Variants in ZFAND3 observed in about 807,000 individuals in gnomAD.
The protein encoded by ZFAND3 is AN1-type zinc finger protein 3.
ZFAND3 carries 10 observed loss-of-function variants against 29.6 expected under a neutral mutation model. The observed-to-expected ratio is 0.34, with a 90% CI of 0.21 to 0.57. The LOEUF is 0.57. ZFAND3 is among the 20% of genes least tolerant of loss of function. The pLI is 0.86. For synonymous variants in ZFAND3, 128 were observed against 112.6 expected (o/e 1.14, Z -0.87); for missense variants, 230 against 304.5 (o/e 0.76, Z 1.82).
chr6:37,852,717 CT>C lies in ZFAND3; in HGVS notation c.71+32716del, dbSNP rs957782122. ...CTTATGTGTATTTCCTTTTTCTTTT[CT>C]TTTTTTTTTTTTTTAAAGACAGAGT... On this transcript the variant is annotated intron_variant, in intron 1 of 5. Coordinates refer to ENST00000287218, the MANE Select transcript of ZFAND3 (RefSeq NM_021943.3). Among the ~76,000 whole-genome samples, 423 of 138,092 alleles carry C rather than the reference CT, an allele frequency of 3.1e-3. 1 individual carries two copies. Among genetic ancestry groups the C allele is most frequent in the Non-Finnish European group, 2.8e-3 (179 of 62,926 alleles). The allele number at this position is 138,092 out of a possible 152,430, so 90.6% of individuals were successfully genotyped here.
At chr6:38,100,689 A>G (rs1765074903) in intron 4 of ZFAND3, among the ~76,000 whole-genome samples, 1 of 152,218 alleles carries the variant, frequency 6.6e-6, no homozygotes, top group Non-Finnish European at 1.5e-5. Context: ...CACTCCAGCC[A>G]CTTATCTCTA....
Position 37,889,210 on chromosome 6 carries a change from A to G in ZFAND3, c.72-40749A>G, listed in dbSNP as rs1010765036. Among the ~76,000 whole-genome samples, 15 of 152,338 alleles carry G rather than the reference A, an allele frequency of 9.8e-5. No individual in the cohort carries two copies. In the East Asian group the frequency reaches 2.7e-3, roughly 27 times the overall value. On this transcript the variant is annotated intron_variant, in intron 1 of 5. Coordinates refer to ENST00000287218, the MANE Select transcript of ZFAND3 (RefSeq NM_021943.3). ...CCAAAGCTAGAGGAAGACGGAGGAA[A>G]AAAAGGAAGCTTTCCTTCGTCTCTA...
intron 5 of ZFAND3, among the ~76,000 whole-genome samples, chr6:38,144,196 T>TAATATATATATATA (rs1354708877): frequency 2.4e-5 from 1 of 41,094 alleles, no homozygotes; most frequent in African/African-American, 1.1e-4. Context: ...TATATATATA[T>TAATATATATATATA]ATATATATAT....
chr6:38,133,235 T>C (rs1765776389), intron 5 of ZFAND3, among the ~76,000 whole-genome samples: 1 of 152,220 alleles, frequency 6.6e-6, no homozygotes, highest in South Asian at 2.1e-4. Flanking sequence ...CTGTCCTTTC[T>C]CCAGACCATG....
rs372644813 is a variant in ZFAND3, at chr6:37,992,819, TG to T, written c.112+62821del. Among the ~76,000 whole-genome samples the T allele has an allele frequency of 3.6e-3, 553 of 152,326 alleles. 3 individuals are homozygous for T. The highest frequency in any genetic ancestry group is 0.014 in the Middle Eastern group (4 of 294). On this transcript the variant is annotated intron_variant, in intron 2 of 5. Coordinates refer to ENST00000287218, the MANE Select transcript of ZFAND3 (RefSeq NM_021943.3). ...CTGGTTCCTTTGACAAATTTTGGTT[TG>T]TTTTTTTGTTTTTCCTGTCATTTTT...
chr6:37,868,175 C>A (rs1764622600), intron 1 of ZFAND3, among the ~76,000 whole-genome samples: 1 of 144,626 alleles, frequency 6.9e-6, no homozygotes, highest in South Asian at 2.2e-4. Flanking sequence ...GCTTTTACTG[C>A]ATCTTTTGAA....
In ZFAND3 at chr6:38,061,625, G is replaced by T. The variant is rs777903822; in HGVS notation, c.145G>T (p.Ala49Ser). 2 of 1,614,056 alleles carry T rather than the reference G, an allele frequency of 1.2e-6. No individual in the cohort carries two copies. The highest frequency in any genetic ancestry group is 1.6e-4 in the Middle Eastern group (1 of 6,062). The change falls in exon 3 of 6, where the codon GCT becomes TCT. Residue 49 changes from alanine (A) to serine (S), a missense_variant. Ala to Ser is a moderately conservative substitution (Grantham distance 99, BLOSUM62 1). Transcript: ENST00000287218. ...AAAGAAACAGCCAGACGATGATTCC[G>T]CTCCAAGTACAAGTAACAGCCAATC... ...FQKKQPDDDS[A>S]PSTSNSQSDL...
chr6:37,933,769 G>A (rs1761640752), intron 2 of ZFAND3, among the ~76,000 whole-genome samples: 2 of 151,222 alleles, frequency 1.3e-5, no homozygotes, highest in South Asian at 2.1e-4. Context: ...TTGTTTGTTT[G>A]TTTGTTTGTT....
chr6:38,109,211 C>G (rs931934720), intron 4 of ZFAND3, among the ~76,000 whole-genome samples: 2 of 139,828 alleles, frequency 1.4e-5, no homozygotes, highest in Admixed American at 1.5e-4. Context: ...GAGACAGAGT[C>G]TTGCTCTGTC....
chr6:37,898,898 C>CTTATTTAT (rs60885835), intron 1 of ZFAND3, among the ~76,000 whole-genome samples: 95,327 of 151,010 alleles, frequency 0.63, 30,819 homozygotes, highest in African/African-American at 0.75. Flanking sequence ...ATATTCATTT[C>CTTATTTAT]TTATTTATTT....
chr6:37,845,593 C>T (rs1764164033), intron 1 of ZFAND3, among the ~76,000 whole-genome samples: 1 of 152,190 alleles, frequency 6.6e-6, no homozygotes, highest in South Asian at 2.1e-4. Context: ...GTACTGTGAG[C>T]TGTGGTAACT....
intron 2 of ZFAND3, among the ~76,000 whole-genome samples, chr6:38,015,051 A>G (rs1763230603): frequency 6.6e-6 from 1 of 152,184 alleles, no homozygotes; most frequent in Non-Finnish European, 1.5e-5. Flanking sequence ...CTTATACTTT[A>G]TTTAAGGTCT....
chr6:38,148,781 C>T (rs1338267705), intron 5 of ZFAND3, among the ~76,000 whole-genome samples: 1 of 152,174 alleles, frequency 6.6e-6, no homozygotes, highest in African/African-American at 2.4e-5. Context: ...CTTCTGACAC[C>T]AAAATGCATT....
chr6:37,972,663 C>G (rs540473610), intron 2 of ZFAND3, among the ~76,000 whole-genome samples: 1 of 151,746 alleles, frequency 6.6e-6, no homozygotes, highest in Admixed American at 6.6e-5. Context: ...ACTTTATGCC[C>G]TCTCTTCCCT....
chr6:38,011,467 C>T (rs1334415619), intron 2 of ZFAND3, among the ~76,000 whole-genome samples: 1 of 152,120 alleles, frequency 6.6e-6, no homozygotes, highest in Non-Finnish European at 1.5e-5. Context: ...TTGCCAACAC[C>T]TGGTGTTGTC....
chr6:38,137,861 C>T (rs1007609090), intron 5 of ZFAND3, among the ~76,000 whole-genome samples: 2 of 152,098 alleles, frequency 1.3e-5, no homozygotes, highest in South Asian at 2.1e-4. Context: ...CTGGCCAGCC[C>T]GGCCAGAGCA....
chr6:38,118,846 T>G (rs915055851), intron 5 of ZFAND3, among the ~76,000 whole-genome samples: 1 of 152,080 alleles, frequency 6.6e-6, no homozygotes, highest in Non-Finnish European at 1.5e-5. Context: ...CTGGTAAATA[T>G]AGATTACTCT....
chr6:37,919,418 C>A (rs1299476603), intron 1 of ZFAND3, among the ~76,000 whole-genome samples: 1 of 152,162 alleles, frequency 6.6e-6, no homozygotes, highest in Non-Finnish European at 1.5e-5. Flanking sequence ...CATGTCTGCA[C>A]AGACATCAGA....
At chr6:37,911,175 C>T (rs1765514456) in intron 1 of ZFAND3, among the ~76,000 whole-genome samples, 1 of 152,066 alleles carries the variant, frequency 6.6e-6, no homozygotes, top group Admixed American at 6.6e-5. Flanking sequence ...CCCTTTTTCC[C>T]CCACGTCCTT....
Sources: gnomAD v4.1 joint callset for allele counts (sites outside exome capture counted in the v4.1 genomes callset) on GRCh38, gnomAD v4.1.1 for gene constraint, MANE v1.5 for transcripts, NCBI Gene and HGNC (gene_info 2026-07-23, HGNC 2026-07-21) for gene names.